The following CWH43 variants were observed in gnomAD, a reference collection of about 807,000 sequenced individuals.
CWH43 encodes PGAP2-interacting protein.
In CWH43, 91 loss-of-function variants were observed where a neutral mutation model predicts 85.7. The observed-to-expected ratio is 1.06, with a 90% CI of 0.90 to 1.26. CWH43 has a LOEUF of 1.26. Among genes scored for constraint, CWH43 ranks in the 50% most tolerant of loss-of-function variants. The pLI, the probability that CWH43 is intolerant of heterozygous loss-of-function variation, is 0.00. For missense variants in CWH43, 869 were observed against 839.2 expected, an observed-to-expected ratio of 1.04 and a Z score of -0.44; for synonymous variants, 323 against 293.6, an observed-to-expected ratio of 1.10 and a Z score of -1.02.
At chr4:49,034,068 T>C (rs764079270) in intron 12 of CWH43, among the ~76,000 whole-genome samples, 38 of 152,198 alleles carry the variant, frequency 2.5e-4, no homozygotes, top group Non-Finnish European at 2.5e-4. Flanking sequence ...ACCATCCAAA[T>C]ATAATTAATA....
chr4:49,043,286 G>GT (rs1441329542), intron 13 of CWH43, among the ~76,000 whole-genome samples: 15 of 152,138 alleles, frequency 9.9e-5, no homozygotes, highest in Admixed American at 2.6e-4. Context: ...AGAGAAACGC[G>GT]TAAGTACATG....
chr4:49,052,074 A>G (rs1005983497), intron 15 of CWH43, among the ~76,000 whole-genome samples: 3 of 151,974 alleles, frequency 2.0e-5, no homozygotes, highest in Non-Finnish European at 2.9e-5. Flanking sequence ...TTTTTGGGGG[A>G]AAAAAGAAAT....
intron 5 of CWH43, among the ~76,000 whole-genome samples, chr4:48,995,084 A>G (rs1258227999): frequency 6.6e-6 from 1 of 152,254 alleles, no homozygotes; most frequent in Non-Finnish European, 1.5e-5. Context: ...CCAGAGCTCC[A>G]GCATAGGCAT....
chr4:48,994,846 C>T, intron 5 of CWH43, 26 bp downstream of exon 5: 2 of 1,600,008 alleles, frequency 1.2e-6, no homozygotes, highest in Non-Finnish European at 1.7e-6. Flanking sequence ...GAAGCAATCA[C>T]AAAATCGGCA....
At chr4:49,053,756 AC>A (rs779986494) in intron 15 of CWH43, among the ~76,000 whole-genome samples, 1 of 152,106 alleles carries the variant, frequency 6.6e-6, no homozygotes, top group Non-Finnish European at 1.5e-5. Flanking sequence ...AAAATTCAAA[AC>A]TTTTTGAGCA....
Position 48,994,667 on chromosome 4 carries a change from C to T in CWH43, c.560C>T (p.Thr187Met), listed in dbSNP as rs757613110. 22 of 1,614,054 alleles carry T rather than the reference C, an allele frequency of 1.4e-5. No homozygotes were observed. The African/African-American group carries it at 1.5e-4, about 11-fold the overall frequency. ...GAAAAGAAGACTGGTGAGGTAGCCA[C>T]GGGGATGGCCTCTAGACCCAACTGG... ...PEEKKTGEVA[T>M]GMASRPNWLL... is the part of the protein sequence containing the mutation. Residue 187 changes from threonine to methionine, a missense_variant, in exon 5 of 16, where the codon ACG becomes ATG. Thr to Met is a moderately conservative substitution (Grantham distance 81, BLOSUM62 -1). Transcript: ENST00000226432.
chr4:48,991,420 C>A, intron 2 of CWH43, 34 bp from the exon 3 acceptor site: 2 of 1,612,026 alleles, frequency 1.2e-6, no homozygotes, highest in Non-Finnish European at 1.7e-6. Context: ...CCATACTTGC[C>A]AGAAATGCTT....
chr4:49,022,676 C>T (rs1285445094), intron 9 of CWH43, among the ~76,000 whole-genome samples: 1 of 152,064 alleles, frequency 6.6e-6, no homozygotes, highest in Non-Finnish European at 1.5e-5. Flanking sequence ...TCTGTCTGTT[C>T]CTGGACTTTT....
intron 6 of CWH43, among the ~76,000 whole-genome samples, chr4:48,999,201 T>G (rs1298465974): frequency 6.6e-6 from 1 of 152,184 alleles, no homozygotes; most frequent in Non-Finnish European, 1.5e-5. Flanking sequence ...CTGCATTAGT[T>G]TGCTAAGGAT....
chr4:49,004,245 G>A (rs534322143), intron 7 of CWH43, among the ~76,000 whole-genome samples: 1 of 152,260 alleles, frequency 6.6e-6, no homozygotes, highest in South Asian at 2.1e-4. Context: ...TTAATTAGTT[G>A]TGAAAAGATT....
chr4:49,015,304 T>C (rs1458934982), intron 8 of CWH43, among the ~76,000 whole-genome samples: 4 of 152,136 alleles, frequency 2.6e-5, no homozygotes, highest in Admixed American at 6.6e-5. Flanking sequence ...CTCCTCTTTC[T>C]AGTTTGGAAA....
intron 8 of CWH43, among the ~76,000 whole-genome samples, chr4:49,012,663 G>A (rs1169696472): frequency 2.0e-5 from 3 of 152,142 alleles, no homozygotes; most frequent in Non-Finnish European, 2.9e-5. Context: ...TTTTGGTGTG[G>A]ATGTCCTTTT....
chr4:49,038,858 A>T (rs973406431), intron 13 of CWH43, among the ~76,000 whole-genome samples: 2 of 151,840 alleles, frequency 1.3e-5, no homozygotes, highest in African/African-American at 4.8e-5. Flanking sequence ...GGAGATCGAG[A>T]CCATCCTGGT....
chr4:49,041,856 G>T (rs1210970845), intron 13 of CWH43, among the ~76,000 whole-genome samples: 4 of 152,136 alleles, frequency 2.6e-5, no homozygotes, highest in Admixed American at 2.6e-4. Flanking sequence ...AAACTGATCT[G>T]TAACACTTCT....
chr4:48,998,491 T>C lies in CWH43; in HGVS notation c.745T>C (p.Leu249=). The change falls in exon 6 of 16, where the codon TTG becomes CTG. Residue 249 remains leucine, a synonymous_variant. Coordinates refer to ENST00000226432, the MANE Select transcript of CWH43 (RefSeq NM_025087.3). The stretch of plus-strand genomic sequence containing the variant: ...AGTACTGCTGTGCTTGGCAAGTGGA[T>C]TGATGCTTCCATCTTGTTTGTGGTT... ...GAVLLCLASG[L]MLPSCLWFRG... 3 of 1,614,014 alleles carry C rather than the reference T, an allele frequency of 1.9e-6. No individual in the cohort carries two copies. Among genetic ancestry groups the C allele is most frequent in the Non-Finnish European group, 2.5e-6 (3 of 1,179,892 alleles).
chr4:48,998,558 ATT>A lies in CWH43; in HGVS notation c.802+12_802+13del. 6.3e-7 allele frequency: 1 copy of A among 1,591,506 alleles called. No homozygotes were observed. Among genetic ancestry groups the A allele is most frequent in the Non-Finnish European group, 8.6e-7 (1 of 1,159,582 alleles). The stretch of plus-strand genomic sequence containing the variant: ...ATCTGGTGGGTTACAGGTATGTGGA[ATT>A]TACCTGCAGATAGAACACGACTGAG... On this transcript the variant is annotated intron_variant, in intron 6 of 15. Coordinates refer to ENST00000226432, the MANE Select transcript of CWH43 (RefSeq NM_025087.3).
chr4:49,040,513 A>C (rs1418334327), intron 13 of CWH43, among the ~76,000 whole-genome samples: 1 of 152,002 alleles, frequency 6.6e-6, no homozygotes, highest in African/African-American at 2.4e-5. Flanking sequence ...GCATTTTTTC[A>C]TGTGTCTTTT....
chr4:49,031,104 T>C (rs943451970), intron 11 of CWH43, 144 bp downstream of exon 11: 7 of 706,436 alleles, frequency 9.9e-6, no homozygotes, highest in African/African-American at 1.9e-5. Flanking sequence ...GCTGGAGATA[T>C]GCACATTCTG....
chr4:49,001,003 T>C (rs1265192171), intron 6 of CWH43, among the ~76,000 whole-genome samples: 1 of 152,120 alleles, frequency 6.6e-6, no homozygotes, highest in African/African-American at 2.4e-5. Context: ...TTCACTGTGA[T>C]TCATCTCTGG....
Sources: allele counts gnomAD v4.1 joint callset (sites outside exome capture counted in the v4.1 genomes callset), GRCh38; gene constraint gnomAD v4.1.1; transcripts MANE v1.5; gene names NCBI Gene and HGNC (gene_info 2026-07-23, HGNC 2026-07-21).